ATP6V1C1: variants seen among roughly 807,000 people sequenced by gnomAD.
ATP6V1C1 encodes V-type proton ATPase subunit C 1.
A neutral mutation model predicts 53.9 loss-of-function variants in ATP6V1C1; 45 were observed. That is an observed-to-expected ratio of 0.83 (90% confidence interval 0.66 to 1.07). The LOEUF (loss-of-function observed/expected upper bound fraction) is 1.07. ATP6V1C1 is among the 50% of genes least tolerant of loss of function. The pLI is 0.00. For missense variants in ATP6V1C1, 315 were observed against 440.3 expected (o/e 0.72, Z 2.55); for synonymous variants, 153 against 155.2 (o/e 0.99, Z 0.11).
chr8:103,063,792 T>G (rs1170349693), intron 10 of ATP6V1C1, among the ~76,000 whole-genome samples: 1 of 152,170 alleles, frequency 6.6e-6, no homozygotes, highest in Non-Finnish European at 1.5e-5. Flanking sequence ...GGGATTACTG[T>G]GAAGACTAAA....
In ATP6V1C1 at chr8:103,059,882, A is replaced by G. The variant is rs545818333; in HGVS notation, c.642-3073A>G. Among the ~76,000 whole-genome samples the G allele has an allele frequency of 2.2e-4, 12 of 54,972 alleles. No homozygotes were observed. The South Asian group carries it at 3.5e-3, about 16-fold the overall frequency. 36.1% of individuals were successfully genotyped at this position (54,972 alleles called of 152,430 possible). A position where few individuals can be genotyped will look rare whatever the true frequency, so the allele number is the denominator to read the frequency against. ...TTGACTGCCTGCCCCCAGCACGCAC[A>G]CACACACACACACACCCACACACCC... On this transcript the variant is annotated intron_variant, in intron 8 of 12. Coordinates refer to ENST00000518738, the MANE Select transcript of ATP6V1C1 (RefSeq NM_001695.5).
intron 1 of ATP6V1C1, among the ~76,000 whole-genome samples, chr8:103,029,837 A>T (rs1816765490): frequency 6.6e-6 from 1 of 151,862 alleles, no homozygotes; most frequent in African/African-American, 2.4e-5. Context: ...GGTTCAAGTG[A>T]TTCTCCCACC....
At chr8:103,035,665 A>T (rs1300248919) in intron 1 of ATP6V1C1, among the ~76,000 whole-genome samples, 3 of 152,138 alleles carry the variant, frequency 2.0e-5, no homozygotes, top group African/African-American at 7.2e-5. Flanking sequence ...GTCTAGGTAC[A>T]TTATTTTATT....
In ATP6V1C1 at chr8:103,052,807, T is replaced by G. The variant is rs1817223367; in HGVS notation, c.458T>G (p.Leu153Trp). ...YNNLKGNLQN[L>W]ERKNAGSLLT... is the part of the protein sequence containing the mutation. ...AACCTGAAAGGAAATCTTCAGAATT[T>G]GGAACGAAAGAATGCGTAAGCAGAT... Residue 153 changes from leucine to tryptophan, a missense_variant, in exon 6 of 13, where the codon TTG becomes TGG. Transcript: ENST00000518738. 1 of 1,595,866 alleles carries G rather than the reference T, an allele frequency of 6.3e-7. No individual in the cohort carries two copies. The highest frequency in any genetic ancestry group is 1.4e-5 in the African/African-American group (1 of 73,828).
intron 3 of ATP6V1C1, among the ~76,000 whole-genome samples, chr8:103,048,633 T>A (rs1256788085): frequency 1.3e-5 from 2 of 152,228 alleles, no homozygotes; most frequent in Non-Finnish European, 2.9e-5. Flanking sequence ...AGGAGACACA[T>A]TGCATGTAGT....
chr8:103,043,118 G>A (rs1174616902), intron 3 of ATP6V1C1, among the ~76,000 whole-genome samples: 4 of 152,100 alleles, frequency 2.6e-5, no homozygotes, highest in Non-Finnish European at 5.9e-5. Flanking sequence ...ACCTAAGAGT[G>A]GAATTTCTGG....
intron 1 of ATP6V1C1, among the ~76,000 whole-genome samples, chr8:103,032,572 G>C (rs532749641): frequency 3.4e-4 from 51 of 152,054 alleles, no homozygotes; most frequent in Middle Eastern, 6.8e-3. Flanking sequence ...CCACCTTTTG[G>C]GTTCAAGCAA....
chr8:103,060,457 T>C (rs1168124525), intron 8 of ATP6V1C1, among the ~76,000 whole-genome samples: 1 of 152,236 alleles, frequency 6.6e-6, no homozygotes, highest in African/African-American at 2.4e-5. Flanking sequence ...TTCCCCAGTG[T>C]ATCATGTATA....
intron 3 of ATP6V1C1, among the ~76,000 whole-genome samples, chr8:103,045,991 C>A (rs1464446757): frequency 6.6e-6 from 1 of 150,914 alleles, no homozygotes; most frequent in African/African-American, 2.4e-5. Context: ...TTTTAGTTGT[C>A]ATCCCTGGAG....
At chr8:103,028,643 C>T (rs1428245773) in intron 1 of ATP6V1C1, among the ~76,000 whole-genome samples, 1 of 152,142 alleles carries the variant, frequency 6.6e-6, no homozygotes, top group East Asian at 1.9e-4. Context: ...TATTGTAATC[C>T]AATCCTCTCA....
intron 3 of ATP6V1C1, among the ~76,000 whole-genome samples, chr8:103,043,421 C>G (rs1817036553): frequency 6.6e-6 from 1 of 152,038 alleles, no homozygotes; most frequent in Non-Finnish European, 1.5e-5. Flanking sequence ...CTCCTGGGTT[C>G]AAGCAATTCT....
At chr8:103,045,813 C>T (rs909158803) in intron 3 of ATP6V1C1, among the ~76,000 whole-genome samples, 39 of 152,044 alleles carry the variant, frequency 2.6e-4, no homozygotes, top group African/African-American at 6.3e-4. Context: ...TGGTGGCGGG[C>T]GCCTGTAGTC....
intron 11 of ATP6V1C1, among the ~76,000 whole-genome samples, chr8:103,065,642 T>G (rs1223393635): frequency 6.6e-6 from 1 of 152,196 alleles, no homozygotes; most frequent in Non-Finnish European, 1.5e-5. Flanking sequence ...TTTTTAAATT[T>G]TTTCAAATTT....
At chr8:103,060,305 C>G (rs928447311) in intron 8 of ATP6V1C1, among the ~76,000 whole-genome samples, 3 of 152,106 alleles carry the variant, frequency 2.0e-5, no homozygotes, top group African/African-American at 4.8e-5. Context: ...CTCAGATGCA[C>G]CATGTTATTC....
chr8:103,040,517 T>C (rs1234523672), intron 1 of ATP6V1C1, among the ~76,000 whole-genome samples: 1 of 152,228 alleles, frequency 6.6e-6, no homozygotes, highest in African/African-American at 2.4e-5. Flanking sequence ...ATCTCACTTC[T>C]TGGCTAACTC....
rs114052281 is a variant in ATP6V1C1 at position 103,022,986 on chromosome 8, G to A, written c.-40+1761G>A. On this transcript the variant is annotated intron_variant, in intron 1 of 12. Transcript: ENST00000518738. ...GAGGATCATTTGAGCCCAGTAGTTC[G>A]AGGCTGCAGTGAGCTGTGATCATGC... Among the ~76,000 whole-genome samples the A allele has an allele frequency of 8.0e-3, 1,218 of 152,260 alleles. 18 individuals carry two copies. The highest frequency in any genetic ancestry group is 0.028 in the African/African-American group (1,158 of 41,532).
chr8:103,032,014 AAAAAC>A (rs1008154826), intron 1 of ATP6V1C1, among the ~76,000 whole-genome samples: 2 of 151,768 alleles, frequency 1.3e-5, no homozygotes, highest in Non-Finnish European at 2.9e-5. Context: ...AAAAAAAACA[AAAAAC>A]AAAAAACAAA....
intron 4 of ATP6V1C1, among the ~76,000 whole-genome samples, chr8:103,049,691 C>T (rs1337216307): frequency 3.3e-5 from 5 of 152,116 alleles, no homozygotes; most frequent in African/African-American, 1.2e-4. Context: ...AATCCCAGCA[C>T]ATTGGGAGGC....
At chr8:103,023,822 A>G (rs1816642327) in intron 1 of ATP6V1C1, among the ~76,000 whole-genome samples, 2 of 151,550 alleles carry the variant, frequency 1.3e-5, no homozygotes, top group South Asian at 4.2e-4. Flanking sequence ...CTGATTACCT[A>G]CACAGTACTA....
Sources: allele counts gnomAD v4.1 joint callset (sites outside exome capture counted in the v4.1 genomes callset), GRCh38; gene constraint gnomAD v4.1.1; transcripts MANE v1.5; gene names NCBI Gene and HGNC (gene_info 2026-07-23, HGNC 2026-07-21).